PTPRM: variants seen among roughly 807,000 people sequenced by gnomAD.
The protein encoded by PTPRM is receptor-type tyrosine-protein phosphatase mu.
Under a neutral mutation model 186.7 loss-of-function variants are expected in PTPRM, and 47 were observed. The ratio of observed to expected loss-of-function variants is 0.25; its 90% CI spans 0.20 to 0.32. The LOEUF is 0.32. Among genes scored for constraint, PTPRM ranks in the 10% least tolerant of loss-of-function variants. The pLI is 1.00. For synonymous variants in PTPRM, 668 were observed against 674.9 expected (o/e 0.99, Z 0.16); for missense variants, 1,494 against 1,865.0 (o/e 0.80, Z 3.66).
intron 4 of PTPRM, among the ~76,000 whole-genome samples, chr18:7,922,482 T>A (rs1291910437): frequency 6.6e-6 from 1 of 152,212 alleles, no homozygotes; most frequent in African/African-American, 2.4e-5. Flanking sequence ...TTTGACCTCA[T>A]TTTTTCCAAT....
chr18:8,394,432 G>A (rs369567021), intron 31 of PTPRM, 44 bp from the exon 32 acceptor site: 5 of 1,582,382 alleles, frequency 3.2e-6, no homozygotes, highest in Non-Finnish European at 4.3e-6. Context: ...AAGATGCAGT[G>A]TAAAGACAGA....
chr18:8,336,411 T>C (rs886970928), intron 22 of PTPRM, among the ~76,000 whole-genome samples: 1 of 151,824 alleles, frequency 6.6e-6, no homozygotes, highest in African/African-American at 2.4e-5. Context: ...GTACAAAAAT[T>C]AGCTGGGCAT....
intron 2 of PTPRM, among the ~76,000 whole-genome samples, chr18:7,802,832 T>C (rs1261700952): frequency 6.6e-6 from 1 of 152,242 alleles, no homozygotes; most frequent in Non-Finnish European, 1.5e-5. Context: ...ACTGTTATGT[T>C]TCATGCACTC....
intron 7 of PTPRM, among the ~76,000 whole-genome samples, chr18:7,964,357 T>C (rs924134025): frequency 6.6e-6 from 1 of 152,208 alleles, no homozygotes; most frequent in African/African-American, 2.4e-5. Flanking sequence ...TGGGTGAATG[T>C]TGGTTCTGGC....
intron 5 of PTPRM, among the ~76,000 whole-genome samples, chr18:7,933,318 A>G (rs1044821077): frequency 6.6e-6 from 1 of 152,218 alleles, no homozygotes; most frequent in African/African-American, 2.4e-5. Context: ...GCTTGCTAAG[A>G]TCTACAGTAA....
intron 1 of PTPRM, among the ~76,000 whole-genome samples, chr18:7,655,397 AC>A (rs1051175954): frequency 2.6e-5 from 4 of 152,288 alleles, no homozygotes; most frequent in Admixed American, 2.0e-4. Flanking sequence ...TAAAACACTT[AC>A]AATGCCAAAT....
At chr18:7,837,056 T>C (rs2046086578) in intron 2 of PTPRM, among the ~76,000 whole-genome samples, 1 of 152,162 alleles carries the variant, frequency 6.6e-6, no homozygotes, top group Non-Finnish European at 1.5e-5. Flanking sequence ...TCTGTTATTT[T>C]CCCTTTGAAT....
intron 1 of PTPRM, among the ~76,000 whole-genome samples, chr18:7,634,106 G>A (rs142842337): frequency 1.3e-5 from 2 of 152,140 alleles, no homozygotes; most frequent in East Asian, 3.9e-4. Flanking sequence ...CCTGCCATGG[G>A]CCCTGATGCT....
intron 19 of PTPRM, among the ~76,000 whole-genome samples, chr18:8,278,183 T>C (rs975831521): frequency 6.6e-6 from 1 of 152,242 alleles, no homozygotes; most frequent in Non-Finnish European, 1.5e-5. Context: ...CTGGCATCTT[T>C]GTAAAAATAA....
At chr18:7,907,835 T>G (rs571624004) in intron 4 of PTPRM, among the ~76,000 whole-genome samples, 1 of 152,258 alleles carries the variant, frequency 6.6e-6, no homozygotes, top group South Asian at 2.1e-4. Context: ...AAGTAAGGAT[T>G]GCCTTTTATA....
At chr18:8,100,130 T>TTG (rs141633477) in intron 11 of PTPRM, among the ~76,000 whole-genome samples, 8,782 of 149,298 alleles carry the variant, frequency 0.059, 751 homozygotes, top group African/African-American at 0.19. Flanking sequence ...TGCCACACAC[T>TTG]TGTGTGTGTG....
chr18:8,378,606 G>A (rs146735283), intron 27 of PTPRM, among the ~76,000 whole-genome samples, 192 bp downstream of exon 27: 1 of 152,274 alleles, frequency 6.6e-6, no homozygotes, highest in East Asian at 1.9e-4. Context: ...AAAAATGTGT[G>A]TAGACATTGC....
At chr18:8,232,524 A>G (rs2147167893) in intron 14 of PTPRM, among the ~76,000 whole-genome samples, 1 of 152,248 alleles carries the variant, frequency 6.6e-6, no homozygotes, top group East Asian at 1.9e-4. Context: ...GAAACTGACA[A>G]ACTGTTTTTC....
At position 8,159,869 on chromosome 18, in the gene PTPRM, A is replaced by G. The variant is rs1409195647; in HGVS notation, c.2300+16090A>G. Among the ~76,000 whole-genome samples, 5 of 152,308 alleles carry G rather than the reference A, an allele frequency of 3.3e-5. No homozygotes were observed. The East Asian group carries it at 9.6e-4, about 29-fold the overall frequency. On this transcript the variant is annotated intron_variant, in intron 14 of 32. Coordinates refer to ENST00000580170, the MANE Select transcript of PTPRM (RefSeq NM_001105244.2). ...TGAACAGCTTTGCTTTTTAAAAAAA[A>G]AATTTCAGGGATGTAAGTTTCATAA...
chr18:8,137,923 A>T (rs368972005), intron 13 of PTPRM, among the ~76,000 whole-genome samples: 1 of 151,852 alleles, frequency 6.6e-6, no homozygotes, highest in Non-Finnish European at 1.5e-5. Flanking sequence ...ACTGTGGTCA[A>T]CTCCCTGAAG....
chr18:8,244,353 C>T (rs1350464856), intron 15 of PTPRM, 144 bp downstream of exon 15: 35 of 821,610 alleles, frequency 4.3e-5, no homozygotes, highest in South Asian at 7.4e-5. Flanking sequence ...TTCAGTGATC[C>T]TTTGTGCCAC....
At chr18:7,889,988 C>T (rs1056701119) in intron 3 of PTPRM, among the ~76,000 whole-genome samples, 5 of 152,226 alleles carry the variant, frequency 3.3e-5, no homozygotes, top group South Asian at 2.1e-4. Context: ...TCTGACGTCA[C>T]GTCCTGTCTG....
chr18:8,069,476 C>A (rs2148436542), intron 7 of PTPRM, among the ~76,000 whole-genome samples: 1 of 152,368 alleles, frequency 6.6e-6, no homozygotes, highest in South Asian at 2.1e-4. Flanking sequence ...AACTTAGGCA[C>A]ATGGCCACAT....
At chr18:7,722,334 A>G (rs2040462409) in intron 1 of PTPRM, among the ~76,000 whole-genome samples, 1 of 152,104 alleles carries the variant, frequency 6.6e-6, no homozygotes, top group African/African-American at 2.4e-5. Flanking sequence ...TTGATGGCCC[A>G]TTTCTTTTTA....
Sources: allele counts gnomAD v4.1 joint callset (sites outside exome capture counted in the v4.1 genomes callset), GRCh38; gene constraint gnomAD v4.1.1; transcripts MANE v1.5; gene names NCBI Gene and HGNC (gene_info 2026-07-23, HGNC 2026-07-21).